JAKMIP3: variants seen among roughly 807,000 people sequenced by gnomAD.
The protein encoded by JAKMIP3 is Janus kinase and microtubule interacting protein 3, also known as janus kinase and microtubule-interacting protein 3.
JAKMIP3 carries 58 observed loss-of-function variants against 118.5 expected under a neutral mutation model. That is an observed-to-expected ratio of 0.49 (90% confidence interval 0.40 to 0.61). The LOEUF is 0.61. Among genes scored for constraint, JAKMIP3 ranks in the 20% least tolerant of loss-of-function variants. The pLI, the probability that JAKMIP3 is intolerant of heterozygous loss-of-function variation, is 0.00. For synonymous variants in JAKMIP3, 486 were observed against 451.2 expected, an observed-to-expected ratio of 1.08 and a Z score of -0.98; for missense variants, 950 against 1,109.0, an observed-to-expected ratio of 0.86 and a Z score of 2.04.
At chr10:132,169,203 G>A (rs1460481886) in intron 23 of JAKMIP3, among the ~76,000 whole-genome samples, 170 bp downstream of exon 23, 1 of 152,224 alleles carries the variant, frequency 6.6e-6, no homozygotes, top group African/African-American at 2.4e-5. Context: ...CAGGGCCTGG[G>A]GGCTGGTGTG....
chr10:132,147,896 A>C, intron 13 of JAKMIP3, 56 bp from the exon 14 acceptor site: 1 of 1,327,640 alleles, frequency 7.5e-7, no homozygotes, highest in Non-Finnish European at 1.1e-6. Flanking sequence ...TGACCTCCCA[A>C]GACCTCTGGT....
chr10:132,118,235 C>T lies in JAKMIP3; in HGVS notation c.633+661C>T, dbSNP rs2048026183. Among the ~76,000 whole-genome samples the T allele has an allele frequency of 6.6e-6, 1 of 152,204 alleles. No homozygotes were observed. Among genetic ancestry groups the T allele is most frequent in the Admixed American group, 6.5e-5 (1 of 15,292 alleles). ...TGGTGCAGCCTAATAGCTCCAGAGA[C>T]CTGGGCACCCATGGCAGGCACCAGG... On this transcript the variant is annotated intron_variant, in intron 3 of 23. Transcript: ENST00000684848. This position sits in a 1 kb window ranked among gnomAD's most constrained non-coding sequence, Gnocchi z 4.8.
intron 3 of JAKMIP3, among the ~76,000 whole-genome samples, chr10:132,132,578 C>T (rs1436102529): frequency 6.6e-6 from 1 of 152,240 alleles, no homozygotes; most frequent in Non-Finnish European, 1.5e-5. Flanking sequence ...CCGCCGACCT[C>T]TCACAGCCAC....
At chr10:132,142,357 C>T (rs2053689432) in intron 11 of JAKMIP3, among the ~76,000 whole-genome samples, 1 of 152,222 alleles carries the variant, frequency 6.6e-6, no homozygotes, top group South Asian at 2.1e-4. Flanking sequence ...GGTGGGCCTC[C>T]TTCCAGACCA....
chr10:132,170,781 C>T (rs896975451), intron 23 of JAKMIP3, among the ~76,000 whole-genome samples: 1 of 152,134 alleles, frequency 6.6e-6, no homozygotes, highest in South Asian at 2.1e-4. Flanking sequence ...CCGCTCCGCT[C>T]GGGGGCTGAC....
chr10:132,098,572 C>T (rs1186581210), intron 1 of JAKMIP3, among the ~76,000 whole-genome samples: 1 of 152,228 alleles, frequency 6.6e-6, no homozygotes, highest in Non-Finnish European at 1.5e-5. Context: ...GCGTCCATCG[C>T]AGTGGCCACT....
rs182271609 is a variant in JAKMIP3, at chr10:132,076,295, G to A, written c.-138+10234G>A. Among the ~76,000 whole-genome samples, 12 of 152,336 alleles carry A rather than the reference G, an allele frequency of 7.9e-5. No individual in the cohort carries two copies. The South Asian group carries it at 2.1e-3, about 26-fold the overall frequency. On this transcript the variant is annotated intron_variant, in intron 1 of 23. Coordinates refer to ENST00000684848, the MANE Select transcript of JAKMIP3 (RefSeq NM_001323087.2). ...TTGTGTCTGGCTGCTTTCACTTAGC[G>A]TGGGGTTTTCCGAGTTCATCTGTGT...
chr10:132,062,554 G>A (rs1479789614), upstream of JAKMIP3, among the ~76,000 whole-genome samples: 1 of 152,278 alleles, frequency 6.6e-6, no homozygotes, highest in Non-Finnish European at 1.5e-5. Flanking sequence ...ACACGCACCA[G>A]TGCGGATAGC....
chr10:132,064,747 T>A (rs538253561), upstream of JAKMIP3, among the ~76,000 whole-genome samples: 1 of 152,290 alleles, frequency 6.6e-6, no homozygotes, highest in Admixed American at 6.5e-5. This position sits in a 1 kb window ranked among gnomAD's most constrained non-coding sequence, Gnocchi z 4.4. Context: ...ATTTTTTGCT[T>A]GCTCTAACTT....
At chr10:132,154,845 CGGT>C (rs142442795) in intron 19 of JAKMIP3, among the ~76,000 whole-genome samples, 1 of 104,960 alleles carries the variant, frequency 9.5e-6, no homozygotes, top group African/African-American at 3.8e-5. Context: ...ATGGTGGTGG[CGGT>C]GGTGGTGGTG....
At chr10:132,054,678 C>T (rs2038190649) in intron 1 of JAKMIP3, among the ~76,000 whole-genome samples, 1 of 147,926 alleles carries the variant, frequency 6.8e-6, no homozygotes, top group African/African-American at 2.7e-5. Context: ...CACTAGATTT[C>T]AGACCGGGCT....
intron 1 of JAKMIP3, among the ~76,000 whole-genome samples, chr10:132,037,947 A>G (rs1314246036): frequency 6.6e-6 from 1 of 152,260 alleles, no homozygotes; most frequent in Non-Finnish European, 1.5e-5. Context: ...AATCTGGAAG[A>G]AGCCGGGAAT....
intron 2 of JAKMIP3, among the ~76,000 whole-genome samples, chr10:132,108,873 A>G (rs558546474): frequency 7.2e-5 from 10 of 137,968 alleles, no homozygotes; most frequent in South Asian, 4.6e-4. Context: ...TATATAAATT[A>G]TATACACAAA....
At chr10:132,153,707 C>T (rs2136223638) in intron 17 of JAKMIP3, 52 bp from the exon 18 acceptor site, 9 of 1,567,414 alleles carry the variant, frequency 5.7e-6, no homozygotes, top group East Asian at 2.2e-5. Context: ...CTCCACGAGC[C>T]GGGGTGGGGG....
chr10:132,106,324 C>T (rs952763229), intron 2 of JAKMIP3, among the ~76,000 whole-genome samples: 3 of 151,350 alleles, frequency 2.0e-5, no homozygotes, highest in Non-Finnish European at 2.9e-5. Flanking sequence ...CATGACAGAG[C>T]GAGACCCTGT....
intron 23 of JAKMIP3, among the ~76,000 whole-genome samples, chr10:132,171,544 C>G (rs116575676): frequency 6.6e-6 from 1 of 152,146 alleles, no homozygotes; most frequent in Non-Finnish European, 1.5e-5. Context: ...TTTTCCCCAA[C>G]TGTTTATTTT....
chr10:132,149,465 C>T lies in JAKMIP3; in HGVS notation c.1902C>T (p.Asp634=), dbSNP rs369054799. ...GCTTCCACCACACGCCCTTCGTGGA[C>T]GGGAAGAGCCCCCTCCAGGTGTACT... ...AISFHHTPFV[D]GKSPLQVYCE... The change falls in exon 15 of 24, where the codon GAC becomes GAT. Residue 634 remains aspartate (D), a synonymous_variant. Coordinates refer to ENST00000684848, the MANE Select transcript of JAKMIP3 (RefSeq NM_001323087.2). 65 of 1,605,536 alleles carry T rather than the reference C, an allele frequency of 4.0e-5. No homozygotes were observed. Among genetic ancestry groups the T allele is most frequent in the African/African-American group, 8.1e-5 (6 of 74,366 alleles).
chr10:132,043,793 C>T (rs765268409), intron 1 of JAKMIP3, among the ~76,000 whole-genome samples: 20 of 152,288 alleles, frequency 1.3e-4, no homozygotes, highest in African/African-American at 2.4e-4. Flanking sequence ...TTCTCTGCCC[C>T]GCCCTGGGCT....
At chr10:132,062,859 G>A (rs994938632), upstream of JAKMIP3, among the ~76,000 whole-genome samples, 17 of 152,178 alleles carry the variant, frequency 1.1e-4, no homozygotes, top group Non-Finnish European at 1.9e-4. Flanking sequence ...CCTGGAAGGC[G>A]CAGGCCTGTC....
Sources: allele counts gnomAD v4.1 joint callset (sites outside exome capture counted in the v4.1 genomes callset), GRCh38; gene constraint gnomAD v4.1.1; non-coding constraint Gnocchi (gnomAD v3.1); transcripts MANE v1.5; gene names NCBI Gene and HGNC (gene_info 2026-07-23, HGNC 2026-07-21).